AQP9: variants seen among roughly 807,000 people sequenced by gnomAD.
AQP9 encodes aquaporin-9.
A neutral mutation model predicts 23.8 loss-of-function variants in AQP9; 19 were observed. That is an observed-to-expected ratio of 0.80 (90% CI 0.56 to 1.17). AQP9 has a LOEUF of 1.17. AQP9 is among the 50% of genes most tolerant of loss of function. The pLI is 0.00. For synonymous variants in AQP9, 153 were observed against 131.5 expected (o/e 1.16, Z -1.12); for missense variants, 413 against 362.0 (o/e 1.14, Z -1.14).
At chr15:58,172,207 C>T (rs1265240301) in intron 2 of AQP9, among the ~76,000 whole-genome samples, 4 of 152,208 alleles carry the variant, frequency 2.6e-5, no homozygotes, top group Admixed American at 6.5e-5. Flanking sequence ...TACTTTCCGT[C>T]CATGCCTCAG....
At chr15:58,158,961 A>G (rs1898318081) in intron 1 of AQP9, among the ~76,000 whole-genome samples, 1 of 152,184 alleles carries the variant, frequency 6.6e-6, no homozygotes, top group Non-Finnish European at 1.5e-5. Context: ...CACCGAACAA[A>G]TATTTATTGA....
At position 58,173,066 on chromosome 15, in the gene AQP9, A is replaced by T. The variant is rs1898657386; in HGVS notation, c.239-2A>T. ...TCTCACTTCTCCAATCTTCCCTTGCAGGTGGTCACATCAACCCAGCTGTGT... is the reference window on the plus strand; with the variant it reads ...TCTCACTTCTCCAATCTTCCCTTGCTGGTGGTCACATCAACCCAGCTGTGT... On this transcript the variant is annotated splice_acceptor_variant, in intron 2 of 5. Coordinates refer to ENST00000219919, the MANE Select transcript of AQP9 (RefSeq NM_020980.5). LOFTEE classifies it high-confidence loss of function. The T allele has an allele frequency of 1.9e-6, 3 of 1,613,838 alleles. No individual in the cohort carries two copies. The highest frequency in any genetic ancestry group is 2.5e-6 in the Non-Finnish European group (3 of 1,179,822).
Position 58,148,232 on chromosome 15 carries a change from T to C in AQP9, c.111+9556T>C, listed in dbSNP as rs539235402. ...AAGAATTAAGTGAAAAAAATACATG[T>C]GGTCCTTCCCAAATATGTTTGGGAA... On this transcript the variant is annotated intron_variant, in intron 1 of 5. Transcript: ENST00000219919. Among the ~76,000 whole-genome samples, 133 of 152,322 alleles carry C rather than the reference T, an allele frequency of 8.7e-4. 1 individual carries two copies. The highest frequency in any genetic ancestry group is 3.2e-3 in the African/African-American group (132 of 41,572).
At chr15:58,173,019 T>C (rs772020309) in intron 2 of AQP9, 49 bp from the exon 3 acceptor site, 1 of 1,610,708 alleles carries the variant, frequency 6.2e-7, no homozygotes, top group South Asian at 1.1e-5. Context: ...GTTTTCTGTA[T>C]ATTCTTCTTC....
chr15:58,160,637 G>A (rs1595735392), intron 1 of AQP9, among the ~76,000 whole-genome samples: 1 of 150,516 alleles, frequency 6.6e-6, no homozygotes. Context: ...CAATTAACCT[G>A]AAAAAAAATG....
At chr15:58,140,193 A>C (rs548067552) in intron 1 of AQP9, among the ~76,000 whole-genome samples, 1 of 146,422 alleles carries the variant, frequency 6.8e-6, no homozygotes, top group Admixed American at 6.6e-5. Context: ...AATGAACTAC[A>C]CATCTTTTTT....
At position 58,181,894 on chromosome 15, in the gene AQP9, G is replaced by T. The variant is rs1344476923; in HGVS notation, c.714-2067G>T. Among the ~76,000 whole-genome samples the T allele has an allele frequency of 1.1e-3, 163 of 152,110 alleles. 1 individual carries two copies. The highest frequency in any genetic ancestry group is 0.01 in the Admixed American group (156 of 15,278). On this transcript the variant is annotated intron_variant, in intron 5 of 5. Coordinates refer to ENST00000219919, the MANE Select transcript of AQP9 (RefSeq NM_020980.5). ...CCCCAAAACCTTTGAGGGACAACAG[G>T]CTTCCAAAGTGTTCTTAGAGTGTCT...
At chr15:58,160,637 G>GAA (rs34090745) in intron 1 of AQP9, among the ~76,000 whole-genome samples, 66,828 of 150,140 alleles carry the variant, frequency 0.45, 16,556 homozygotes, top group Admixed American at 0.6. Context: ...CAATTAACCT[G>GAA]AAAAAAAATG....
In AQP9 at chr15:58,184,524, C is replaced by G. The variant is rs1325669531; in HGVS notation, c.*389C>G. 1 of 162,048 alleles carries G rather than the reference C, an allele frequency of 6.2e-6. No individual in the cohort carries two copies. Among genetic ancestry groups the G allele is most frequent in the Non-Finnish European group, 1.3e-5 (1 of 74,750 alleles). The allele number at this position is 162,048 out of a possible 1,614,324, so 10.0% of individuals were successfully genotyped here. Reference sequence around the variant, plus strand: ...CCAAAACCCTTTTCTTCAGTATCGACAAAGATTACATTCTGAGTACCAACC... The same window carrying G: ...CCAAAACCCTTTTCTTCAGTATCGAGAAAGATTACATTCTGAGTACCAACC... On this transcript the variant is annotated 3_prime_UTR_variant, in exon 6 of 6. Coordinates refer to ENST00000219919, the MANE Select transcript of AQP9 (RefSeq NM_020980.5).
rs1398990688 is a variant in AQP9 at position 58,185,412 on chromosome 15, C to G, written c.*1277C>G. The G allele has an allele frequency of 6.6e-6, 1 of 152,658 alleles. No individual in the cohort carries two copies. Among genetic ancestry groups the G allele is most frequent in the Non-Finnish European group, 1.5e-5 (1 of 68,044 alleles). The allele number at this position is 152,658 out of a possible 1,614,324, so 9.5% of individuals were successfully genotyped here. On this transcript the variant is annotated 3_prime_UTR_variant, in exon 6 of 6. Coordinates refer to ENST00000219919, the MANE Select transcript of AQP9 (RefSeq NM_020980.5). ...TCCTCAATCTTAAGATACAAAGACC[C>G]TCATTGTCTGGGTCTATTCCCACAC...
chr15:58,161,698 C>G (rs1443175185), intron 1 of AQP9, among the ~76,000 whole-genome samples: 1 of 152,176 alleles, frequency 6.6e-6, no homozygotes, highest in Non-Finnish European at 1.5e-5. Context: ...TCACCCTGAA[C>G]TGGAATTTTT....
intron 5 of AQP9, among the ~76,000 whole-genome samples, chr15:58,183,393 G>A (rs982541260): frequency 2.6e-5 from 4 of 152,136 alleles, no homozygotes; most frequent in Admixed American, 1.3e-4. Context: ...GAGAGCCATG[G>A]CATGACAGCC....
chr15:58,163,603 G>A lies in AQP9; in HGVS notation c.112-3070G>A, dbSNP rs1898432544. Among the ~76,000 whole-genome samples, 3 of 152,140 alleles carry A rather than the reference G, an allele frequency of 2.0e-5. 1 individual carries two copies. The South Asian group carries it at 6.2e-4, about 32-fold the overall frequency. ...AGGTTTGTTGAGAAGAATCTGAATGGACGACAGACCTAAAAATGCTTTCTA... is the reference window on the plus strand; with the variant it reads ...AGGTTTGTTGAGAAGAATCTGAATGAACGACAGACCTAAAAATGCTTTCTA... On this transcript the variant is annotated intron_variant, in intron 1 of 5. Transcript: ENST00000219919.
Position 58,138,422 on chromosome 15 carries a change from C to T in AQP9, c.-144C>T. The T allele has an allele frequency of 1.6e-6, 1 of 613,880 alleles. No individual in the cohort carries two copies. Among genetic ancestry groups the T allele is most frequent in the Non-Finnish European group, 2.9e-6 (1 of 346,306 alleles). 38.0% of individuals were successfully genotyped at this position (613,880 alleles called of 1,614,324 possible). On this transcript the variant is annotated 5_prime_UTR_variant, in exon 1 of 6. Transcript: ENST00000219919. ...AAGCCACAGCCTCTAATTGGAACGG[C>T]ATTTGTACAGTCAGAGACTCTTACC... is the stretch of plus-strand genomic sequence containing the variant.
At chr15:58,162,483 A>G (rs1243891800) in intron 1 of AQP9, among the ~76,000 whole-genome samples, 1 of 152,200 alleles carries the variant, frequency 6.6e-6, no homozygotes, top group Non-Finnish European at 1.5e-5. Context: ...CAAGCTGCCT[A>G]ATGTGGTAAT....
At chr15:58,153,929 T>C (rs1898197832) in intron 1 of AQP9, 1 of 152,106 alleles carries the variant, frequency 6.6e-6, no homozygotes, top group Non-Finnish European at 1.5e-5. Flanking sequence ...AATAACCCTT[T>C]CCTAATTAAC....
intron 5 of AQP9, among the ~76,000 whole-genome samples, chr15:58,183,683 G>A (rs1438089869): frequency 1.3e-5 from 2 of 152,026 alleles, no homozygotes; most frequent in Non-Finnish European, 2.9e-5. Context: ...CAATCTTAAC[G>A]ATGGGCTCAG....
intron 1 of AQP9, among the ~76,000 whole-genome samples, chr15:58,148,159 G>A (rs1898082664): frequency 6.6e-6 from 1 of 152,132 alleles, no homozygotes; most frequent in Non-Finnish European, 1.5e-5. Context: ...TTTGTAGGGA[G>A]TTGCTCAAAA....
rs1400358665 is a variant in AQP9, at chr15:58,179,170, T to A, written c.538T>A (p.Phe180Ile). 1 of 1,613,822 alleles carries A rather than the reference T, an allele frequency of 6.2e-7. No individual in the cohort carries two copies. The highest frequency in any genetic ancestry group is 1.3e-5 in the African/African-American group (1 of 74,922). The change falls in exon 5 of 6, where the codon TTT becomes ATT. Residue 180 changes from phenylalanine (F) to isoleucine (I), a missense_variant. Phe to Ile is a conservative substitution (Grantham distance 21). Coordinates refer to ENST00000219919, the MANE Select transcript of AQP9 (RefSeq NM_020980.5). ...ACTCCTCATAATCGTCTTTGCCATCTTTGACTCCAGAAACTTGGGAGCCCC... is the reference window on the plus strand; with the variant it reads ...ACTCCTCATAATCGTCTTTGCCATCATTGACTCCAGAAACTTGGGAGCCCC... ...MILLIIVFAI[F>I]DSRNLGAPRG...
Sources: allele counts gnomAD v4.1 joint callset (sites outside exome capture counted in the v4.1 genomes callset), GRCh38; gene constraint gnomAD v4.1.1; transcripts MANE v1.5; gene names NCBI Gene and HGNC (gene_info 2026-07-23, HGNC 2026-07-21).